Variants in SS18 observed in about 807,000 individuals in gnomAD.
SS18 encodes SS18 subunit of BAF chromatin remodeling complex.
SS18 carries 28 observed loss-of-function variants against 72.5 expected under a neutral mutation model. The ratio of observed to expected loss-of-function variants is 0.39; its 90% CI spans 0.29 to 0.53. SS18 has a LOEUF of 0.53. SS18 is among the 20% of genes least tolerant of loss of function. The probability of loss-of-function intolerance (pLI) is 0.76; values close to 1 mark genes in which losing one functional copy is unlikely to be tolerated. For missense variants in SS18, 518 were observed against 535.3 expected, an observed-to-expected ratio of 0.97 and a Z score of 0.32; for synonymous variants, 172 against 164.2, an observed-to-expected ratio of 1.05 and a Z score of -0.37.
rs1598557210 is a variant in SS18, at chr18:26,044,552, G to A, written c.608-5096C>T. On this transcript the variant is annotated intron_variant, in intron 5 of 10. Transcript: ENST00000415083. The stretch of plus-strand genomic sequence containing the variant: ...TTGGCCAGGTTGGTCTCAAACTCCT[G>A]ACCTCAGGTGATCCACCCACCTCGG... 1.3e-5 allele frequency among the ~76,000 whole-genome samples: 2 copies of A among 151,894 alleles called. 1 individual carries two copies. The highest frequency in any genetic ancestry group is 4.2e-4 in the South Asian group (2 of 4,792).
rs545406585 is a variant in SS18, at chr18:26,035,238, G to T, written c.974-111C>A. 7.5e-4 allele frequency: 939 copies of T among 1,260,212 alleles called. No individual in the cohort carries two copies. The highest frequency in any genetic ancestry group is 9.8e-4 in the Non-Finnish European group (908 of 926,192). The allele number at this position is 1,260,212 out of a possible 1,614,324, so 78.1% of individuals were successfully genotyped here. A position where few individuals can be genotyped will look rare whatever the true frequency, so the allele number is the denominator to read the frequency against. ...CAAGAACAAAATGAAATGCCATATT[G>T]ATTTTTAGAAGTTAACAAAACAAAG... On this transcript the variant is annotated intron_variant, in intron 8 of 10. Transcript: ENST00000415083. This position sits in a 1 kb window ranked among gnomAD's most constrained non-coding sequence, Gnocchi z 4.4.
In SS18 at chr18:26,048,746, A is replaced by G. The variant is rs186661409; in HGVS notation, c.607+3878T>C. 1.1e-3 allele frequency among the ~76,000 whole-genome samples: 170 copies of G among 149,976 alleles called. 1 individual carries two copies. In the East Asian group the frequency reaches 0.019, roughly 16 times the overall value. The stretch of plus-strand genomic sequence containing the variant: ...ACAGAAAGCACAGTGTTTTGAAGAT[A>G]TTGTCATTTGCAACTTAGCCACGTG... On this transcript the variant is annotated intron_variant, in intron 5 of 10. Coordinates refer to ENST00000415083, the MANE Select transcript of SS18 (RefSeq NM_001007559.3).
chr18:26,035,249 G>C lies in SS18; in HGVS notation c.974-122C>G. On this transcript the variant is annotated intron_variant, in intron 8 of 10. Coordinates refer to ENST00000415083, the MANE Select transcript of SS18 (RefSeq NM_001007559.3). This position sits in a 1 kb window ranked among gnomAD's most constrained non-coding sequence, Gnocchi z 4.4. Reference sequence around the variant, plus strand: ...TGAAATGCCATATTGATTTTTAGAAGTTAACAAAACAAAGAAAAAACTCAA... The same window carrying C: ...TGAAATGCCATATTGATTTTTAGAACTTAACAAAACAAAGAAAAAACTCAA... The C allele has an allele frequency of 8.1e-7, 1 of 1,236,080 alleles. No homozygotes were observed. The allele number at this position is 1,236,080 out of a possible 1,614,324, so 76.6% of individuals were successfully genotyped here. A position where few individuals can be genotyped will look rare whatever the true frequency, so the allele number is the denominator to read the frequency against.
rs2053615370 is a variant in SS18 at position 26,035,737 on chromosome 18, AG to A, written c.973+93del. On this transcript the variant is annotated intron_variant, in intron 8 of 10. Coordinates refer to ENST00000415083, the MANE Select transcript of SS18 (RefSeq NM_001007559.3). The surrounding 1 kb of genome is among the most constrained non-coding windows in gnomAD (Gnocchi z 4.4). ...GAAAGCCAGCAACTAGTATTCTACAAGAGCTTTGCATGGGTAGAAGTTGTCT... is the reference window on the plus strand; with the variant it reads ...GAAAGCCAGCAACTAGTATTCTACAAAGCTTTGCATGGGTAGAAGTTGTCT... 2.7e-6 allele frequency: 2 copies of A among 750,008 alleles called. No individual in the cohort carries two copies. Among genetic ancestry groups the A allele is most frequent in the African/African-American group, 3.6e-5 (2 of 55,118 alleles). The allele number at this position is 750,008 out of a possible 1,614,324, so 46.5% of individuals were successfully genotyped here.
chr18:26,047,768 A>G (rs1298220641), intron 5 of SS18, among the ~76,000 whole-genome samples: 1 of 152,184 alleles, frequency 6.6e-6, no homozygotes, highest in Non-Finnish European at 1.5e-5. Context: ...GCATGAACCC[A>G]GGAGGCAGAG....
intron 3 of SS18, among the ~76,000 whole-genome samples, chr18:26,065,694 C>A (rs767967415): frequency 1.2e-4 from 18 of 150,138 alleles, no homozygotes; most frequent in Non-Finnish European, 2.2e-4. Flanking sequence ...GTTCATCAGA[C>A]ACCACAGAGA....
At chr18:26,090,812 C>T (rs1397813416), upstream of SS18, 25 of 575,554 alleles carry the variant, frequency 4.3e-5, no homozygotes, top group Admixed American at 7.1e-4. Context: ...CCCTGCATCC[C>T]CCGAGCTCTC....
chr18:26,077,641 A>T (rs1322885012), intron 3 of SS18, among the ~76,000 whole-genome samples: 1 of 152,164 alleles, frequency 6.6e-6, no homozygotes, highest in Admixed American at 6.5e-5. Flanking sequence ...GTTTTAGATA[A>T]CGGATAAAAA....
intron 5 of SS18, among the ~76,000 whole-genome samples, chr18:26,044,409 C>T (rs1268527075): frequency 6.6e-6 from 1 of 150,888 alleles, no homozygotes; most frequent in African/African-American, 2.4e-5. Flanking sequence ...CTGCAACCTC[C>T]GCCTCCCAGG....
At chr18:26,025,619 A>G (rs1384029451) in intron 10 of SS18, among the ~76,000 whole-genome samples, 1 of 152,096 alleles carries the variant, frequency 6.6e-6, no homozygotes, top group African/African-American at 2.4e-5. Flanking sequence ...AATGAAAAAC[A>G]CACAAAACAT....
At chr18:26,079,092 C>A (rs1372327040) in intron 2 of SS18, 3 of 151,970 alleles carry the variant, frequency 2.0e-5, no homozygotes, top group South Asian at 2.1e-4. Flanking sequence ...CAGGACACAG[C>A]ATATAGAGAA....
At chr18:26,063,369 A>T (rs528787834) in intron 3 of SS18, among the ~76,000 whole-genome samples, 14 of 152,264 alleles carry the variant, frequency 9.2e-5, no homozygotes, top group African/African-American at 3.4e-4. Flanking sequence ...AATACAAAAA[A>T]TTAGCCAGGC....
chr18:26,023,064 C>T (rs920572513), intron 10 of SS18, among the ~76,000 whole-genome samples: 1 of 152,108 alleles, frequency 6.6e-6, no homozygotes, highest in African/African-American at 2.4e-5. Flanking sequence ...TAAACTGAAT[C>T]CCAAAGCAAA....
chr18:26,055,867 C>G (rs1290872374), intron 4 of SS18, among the ~76,000 whole-genome samples: 1 of 150,806 alleles, frequency 6.6e-6, no homozygotes, highest in Non-Finnish European at 1.5e-5. Context: ...AAGTGATTCT[C>G]CTGCCTCAGC....
chr18:26,083,064 A>C lies in SS18; in HGVS notation c.146+4437T>G, dbSNP rs187960811. ...GAGAGGAGGAGTTGTTTTTCTCTTTATTCACAAACCAATACTGACAACTTG... is the reference window on the plus strand; with the variant it reads ...GAGAGGAGGAGTTGTTTTTCTCTTTCTTCACAAACCAATACTGACAACTTG... On this transcript the variant is annotated intron_variant, in intron 2 of 10. Transcript: ENST00000415083. 2.0e-3 allele frequency among the ~76,000 whole-genome samples: 301 copies of C among 152,272 alleles called. 1 individual carries two copies. The highest frequency in any genetic ancestry group is 7.1e-3 in the African/African-American group (296 of 41,570).
chr18:26,054,145 T>C (rs896969706), intron 4 of SS18, among the ~76,000 whole-genome samples: 1 of 152,176 alleles, frequency 6.6e-6, no homozygotes, highest in South Asian at 2.1e-4. Flanking sequence ...ATAGTCACTA[T>C]ACTGTGTTGT....
intron 7 of SS18, among the ~76,000 whole-genome samples, chr18:26,036,869 T>G (rs911932581): frequency 5.3e-5 from 8 of 152,276 alleles, no homozygotes; most frequent in African/African-American, 1.9e-4. Flanking sequence ...AAATAAAATT[T>G]TATTGGAATA....
At chr18:26,051,486 A>G (rs1046697607) in intron 5 of SS18, among the ~76,000 whole-genome samples, 2 of 152,134 alleles carry the variant, frequency 1.3e-5, no homozygotes, top group African/African-American at 4.8e-5. Context: ...TTTCTTAACT[A>G]TAGGTTTCTA....
chr18:26,068,437 A>C (rs2054257096), intron 3 of SS18: 1 of 152,192 alleles, frequency 6.6e-6, no homozygotes, highest in Non-Finnish European at 1.5e-5. Context: ...TGGTGTTCTA[A>C]CCATAACAAA....
Sources: allele counts gnomAD v4.1 joint callset (sites outside exome capture counted in the v4.1 genomes callset), GRCh38; gene constraint gnomAD v4.1.1; non-coding constraint Gnocchi (gnomAD v3.1); transcripts MANE v1.5; gene names NCBI Gene and HGNC (gene_info 2026-07-23, HGNC 2026-07-21).